Variants in ATRNL1 observed in about 807,000 individuals in gnomAD.
The protein encoded by ATRNL1 is attractin-like protein 1.
Under a neutral mutation model 182.7 loss-of-function variants are expected in ATRNL1, and 95 were observed. The ratio of observed to expected loss-of-function variants is 0.52; its 90% confidence interval spans 0.44 to 0.62. The LOEUF is 0.62. Ranked by LOEUF, ATRNL1 falls within the 20% of genes least tolerant of loss-of-function variation. The probability of loss-of-function intolerance (pLI) is 0.00; values close to 1 mark genes in which losing one functional copy is unlikely to be tolerated. For synonymous variants in ATRNL1, 576 were observed against 568.3 expected (o/e 1.01, Z -0.19); for missense variants, 1,471 against 1,679.5 (o/e 0.88, Z 2.17).
chr10:115,730,897 A>G (rs750440555), intron 27 of ATRNL1, among the ~76,000 whole-genome samples: 3 of 152,226 alleles, frequency 2.0e-5, no homozygotes, highest in Non-Finnish European at 4.4e-5. Context: ...AAGGAGAGCC[A>G]GTCCAAGTCC....
chr10:115,869,545 C>T (rs1555105568), intron 28 of ATRNL1, among the ~76,000 whole-genome samples: 1 of 152,092 alleles, frequency 6.6e-6, no homozygotes, highest in African/African-American at 2.4e-5. Context: ...ACTCATTTCT[C>T]TTCTACTGTT....
intron 26 of ATRNL1, among the ~76,000 whole-genome samples, chr10:115,683,844 A>AT (rs1421496060): frequency 6.6e-6 from 1 of 151,974 alleles, no homozygotes; most frequent in Admixed American, 6.6e-5. Context: ...TATGTAAGCT[A>AT]TTTTTTAAGA....
At chr10:115,109,135 A>T (rs1326167784) in intron 1 of ATRNL1, among the ~76,000 whole-genome samples, 8 of 150,922 alleles carry the variant, frequency 5.3e-5, no homozygotes, top group African/African-American at 1.9e-4. Flanking sequence ...TGTTCTTTTC[A>T]TACCAATACA....
At chr10:115,424,921 T>A (rs1435827420) in intron 20 of ATRNL1, among the ~76,000 whole-genome samples, 1 of 152,086 alleles carries the variant, frequency 6.6e-6, no homozygotes, top group East Asian at 1.9e-4. Context: ...AAAACTACCA[T>A]CAATGACAAA....
chr10:115,774,980 T>G (rs2134175185), intron 27 of ATRNL1, among the ~76,000 whole-genome samples: 1 of 152,304 alleles, frequency 6.6e-6, no homozygotes, highest in Non-Finnish European at 1.5e-5. Flanking sequence ...CTAATAGTCA[T>G]AAGACATTAG....
chr10:115,817,151 A>G (rs1296177396), intron 27 of ATRNL1, among the ~76,000 whole-genome samples: 2 of 152,062 alleles, frequency 1.3e-5, no homozygotes, highest in African/African-American at 2.4e-5. Context: ...CCAGTGAAAC[A>G]CAGGGACATA....
At chr10:115,923,641 A>G (rs1020704495) in intron 28 of ATRNL1, among the ~76,000 whole-genome samples, 36 of 152,022 alleles carry the variant, frequency 2.4e-4, no homozygotes, top group African/African-American at 8.7e-4. Context: ...CATTTTCTTT[A>G]TCCGGTCTAT....
chr10:115,580,116 A>G (rs1283467843), intron 26 of ATRNL1, among the ~76,000 whole-genome samples: 1 of 152,076 alleles, frequency 6.6e-6, no homozygotes, highest in African/African-American at 2.4e-5. Context: ...TACCTTTTAT[A>G]GCAAATTACC....
At chr10:115,473,011 T>G (rs1848376319) in intron 24 of ATRNL1, among the ~76,000 whole-genome samples, 1 of 151,242 alleles carries the variant, frequency 6.6e-6, no homozygotes, top group African/African-American at 2.4e-5. Flanking sequence ...TGAGGTACAT[T>G]CCGCTTAAAC....
intron 21 of ATRNL1, among the ~76,000 whole-genome samples, chr10:115,445,000 G>A (rs1470364217): frequency 1.3e-5 from 2 of 151,430 alleles, no homozygotes; most frequent in Middle Eastern, 3.2e-3. Flanking sequence ...CAAAGTGCTG[G>A]GATTACAGGC....
intron 25 of ATRNL1, among the ~76,000 whole-genome samples, chr10:115,527,398 G>A (rs1329754988): frequency 2.6e-5 from 4 of 152,130 alleles, no homozygotes; most frequent in Non-Finnish European, 5.9e-5. Flanking sequence ...TGAGATTACA[G>A]GCATGAGCCA....
rs879970134 is a variant in ATRNL1, at chr10:115,582,237, T to C, written c.3795+32701T>C. Among the ~76,000 whole-genome samples, 534 of 136,062 alleles carry C rather than the reference T, an allele frequency of 3.9e-3. 5 individuals carry two copies. The East Asian group carries it at 0.056, about 14-fold the overall frequency. The allele number at this position is 136,062 out of a possible 152,430, so 89.3% of individuals were successfully genotyped here. A position where few individuals can be genotyped will look rare whatever the true frequency, so the allele number is the denominator to read the frequency against. ...CACGTGTCTTTATAGCAGCATGATT[T>C]ATAGTCCTTTGGGTATATACCCAGT... On this transcript the variant is annotated intron_variant, in intron 26 of 28. Coordinates refer to ENST00000355044, the MANE Select transcript of ATRNL1 (RefSeq NM_207303.4).
At chr10:115,910,940 T>C (rs1555115764) in intron 28 of ATRNL1, among the ~76,000 whole-genome samples, 1 of 152,236 alleles carries the variant, frequency 6.6e-6, no homozygotes, top group Non-Finnish European at 1.5e-5. Flanking sequence ...GTTGTTTTCA[T>C]GTTCGTTATC....
chr10:115,662,968 A>G (rs1232932820), intron 26 of ATRNL1, among the ~76,000 whole-genome samples: 1 of 152,182 alleles, frequency 6.6e-6, no homozygotes, highest in Non-Finnish European at 1.5e-5. Context: ...TTTAAAGTAA[A>G]CAATGTTAAA....
intron 9 of ATRNL1, among the ~76,000 whole-genome samples, chr10:115,230,868 GATGAGAGAGAGAGAGAGAGA>G (rs1849895639): frequency 1.2e-5 from 1 of 80,732 alleles, no homozygotes; most frequent in East Asian, 3.9e-4. Flanking sequence ...ATATAGAGTG[GATGAGAGAGAGAGAGAGAGA>G]GAGAGAGAGA....
intron 28 of ATRNL1, among the ~76,000 whole-genome samples, chr10:115,920,665 A>C (rs1953024266): frequency 6.6e-6 from 1 of 152,180 alleles, no homozygotes; most frequent in Non-Finnish European, 1.5e-5. Context: ...CCTTGAAATG[A>C]CCTTGCCTGG....
chr10:115,200,482 G>T (rs1185732048), intron 8 of ATRNL1, among the ~76,000 whole-genome samples: 2 of 148,112 alleles, frequency 1.4e-5, no homozygotes, highest in East Asian at 2.0e-4. Context: ...GTAGTGTTTG[G>T]TTTTTTGTCC....
intron 26 of ATRNL1, among the ~76,000 whole-genome samples, chr10:115,667,376 A>G (rs1861061165): frequency 2.0e-5 from 3 of 152,330 alleles, no homozygotes; most frequent in Admixed American, 1.3e-4. Flanking sequence ...TTCTGCGTTA[A>G]TAAGTAATCT....
intron 20 of ATRNL1, among the ~76,000 whole-genome samples, chr10:115,395,477 G>T (rs985148327): frequency 2.6e-5 from 4 of 151,892 alleles, no homozygotes; most frequent in Non-Finnish European, 4.4e-5. Context: ...AGAAAAAGAT[G>T]CATTCTTAAT....
Sources: gnomAD v4.1 joint callset for allele counts (sites outside exome capture counted in the v4.1 genomes callset) on GRCh38, gnomAD v4.1.1 for gene constraint, MANE v1.5 for transcripts, NCBI Gene and HGNC (gene_info 2026-07-23, HGNC 2026-07-21) for gene names.